The following USP34 variants were observed in gnomAD, a reference collection of about 807,000 sequenced individuals.
The protein encoded by USP34 is ubiquitin specific peptidase 34.
A neutral mutation model predicts 460.3 loss-of-function variants in USP34; 70 were observed. That is an observed-to-expected ratio of 0.15 (90% confidence interval 0.13 to 0.19). The LOEUF (loss-of-function observed/expected upper bound fraction) is 0.19. Ranked by LOEUF, USP34 falls within the 10% of genes least tolerant of loss-of-function variation. USP34 has a pLI of 1.00. For synonymous variants in USP34, 1,647 were observed against 1,405.3 expected, an observed-to-expected ratio of 1.17 and a Z score of -3.85; for missense variants, 3,985 against 4,236.2, an observed-to-expected ratio of 0.94 and a Z score of 1.65.
At chr2:61,322,858 G>C (rs1036421713) in intron 21 of USP34, among the ~76,000 whole-genome samples, 8 of 152,088 alleles carry the variant, frequency 5.3e-5, no homozygotes, top group African/African-American at 1.9e-4. Flanking sequence ...AGGAGAACAA[G>C]ATAAAGAGTA....
At position 61,294,933 on chromosome 2, in the gene USP34, A is replaced by C; in HGVS notation, c.4461+16T>G. The C allele has an allele frequency of 6.3e-7, 1 of 1,594,064 alleles. No individual in the cohort carries two copies. The highest frequency in any genetic ancestry group is 8.5e-7 in the Non-Finnish European group (1 of 1,169,732). On this transcript the variant is annotated intron_variant, in intron 32 of 79. Coordinates refer to ENST00000398571, the MANE Select transcript of USP34 (RefSeq NM_014709.4). The stretch of plus-strand genomic sequence containing the variant: ...ATTATTTTTATCAATACATTGAAAA[A>C]CACATATGATCAAACCTTGCAACTC...
chr2:61,349,844 AAACAAC>A (rs143680445), intron 12 of USP34, among the ~76,000 whole-genome samples: 11 of 148,832 alleles, frequency 7.4e-5, no homozygotes, highest in African/African-American at 2.5e-4. Context: ...CCGTCTCAAA[AAACAAC>A]AACAACAACA....
At chr2:61,194,317 C>G (rs1686730581) in intron 75 of USP34, 8 of 985,008 alleles carry the variant, frequency 8.1e-6, no homozygotes, top group Non-Finnish European at 9.6e-6. Flanking sequence ...CACGGTATCA[C>G]CACACACATA....
rs373337004 is a variant in USP34 at position 61,281,255 on chromosome 2, G to T, written c.4999-13C>A. 3.7e-6 allele frequency: 6 copies of T among 1,603,808 alleles called. No homozygotes were observed. Among genetic ancestry groups the T allele is most frequent in the African/African-American group, 2.7e-5 (2 of 74,294 alleles). Reference sequence around the variant, plus strand: ...GACGAACTGCAGTCTAGATGAAAAAGAAAGTTCCACAAACAGTGAGAGTTA... The same window carrying T: ...GACGAACTGCAGTCTAGATGAAAAATAAAGTTCCACAAACAGTGAGAGTTA... On this transcript the variant is annotated splice_polypyrimidine_tract_variant and intron_variant, in intron 37 of 79. Coordinates refer to ENST00000398571, the MANE Select transcript of USP34 (RefSeq NM_014709.4).
chr2:61,380,585 A>C (rs1185023001), intron 6 of USP34, among the ~76,000 whole-genome samples: 1 of 135,058 alleles, frequency 7.4e-6, no homozygotes, highest in Non-Finnish European at 1.7e-5. Context: ...TGGATTACAA[A>C]ATGGCCACAA....
At chr2:61,272,282 G>A (rs1689238203) in intron 41 of USP34, among the ~76,000 whole-genome samples, 1 of 151,896 alleles carries the variant, frequency 6.6e-6, no homozygotes. Context: ...GTGGTGGCGG[G>A]CACCTGTAGT....
At position 61,416,762 on chromosome 2, in the gene USP34, A is replaced by C. The variant is rs1694205997; in HGVS notation, c.131+3984T>G. On this transcript the variant is annotated intron_variant, in intron 2 of 79. Coordinates refer to ENST00000398571, the MANE Select transcript of USP34 (RefSeq NM_014709.4). Reference sequence around the variant, plus strand: ...TCTATTCCCAATCATTAAATTAATAAAATGATGATAATCTGGTAAACAAAC... The same window carrying C: ...TCTATTCCCAATCATTAAATTAATACAATGATGATAATCTGGTAAACAAAC... 1.5e-5 allele frequency: 6 copies of C among 388,072 alleles called. No individual in the cohort carries two copies. The Admixed American group carries it at 2.5e-4, about 16-fold the overall frequency. The allele number at this position is 388,072 out of a possible 1,614,324, so 24.0% of individuals were successfully genotyped here.
chr2:61,305,280 G>A (rs1389298227), intron 27 of USP34, among the ~76,000 whole-genome samples: 5 of 151,522 alleles, frequency 3.3e-5, no homozygotes, highest in African/African-American at 7.3e-5. Context: ...CCGAGATTAC[G>A]CCACTGCACT....
chr2:61,258,169 C>A (rs749501553), intron 44 of USP34, among the ~76,000 whole-genome samples: 17 of 152,010 alleles, frequency 1.1e-4, no homozygotes, highest in Non-Finnish European at 2.2e-4. Flanking sequence ...GCTTGGGGAA[C>A]ATAGTGAGAC....
In USP34 at chr2:61,256,924, A is replaced by G; in HGVS notation, c.6075T>C (p.Ala2025=). Reference sequence around the variant, plus strand: ...GGCACCTCACAGTATAAAACTCTTCAGCAGTTTGACTAACATGTTCACAAT... The same window carrying G: ...GGCACCTCACAGTATAAAACTCTTCGGCAGTTTGACTAACATGTTCACAAT... The part of the protein sequence containing the change: ...SLDCEHVSQT[A]EEFYTVRCQV... The change falls in exon 47 of 80, where the codon GCT becomes GCC. Residue 2025 remains alanine, a synonymous_variant. Coordinates refer to ENST00000398571, the MANE Select transcript of USP34 (RefSeq NM_014709.4). 1 of 1,565,450 alleles carries G rather than the reference A, an allele frequency of 6.4e-7. No homozygotes were observed. Among genetic ancestry groups the G allele is most frequent in the South Asian group, 1.3e-5 (1 of 79,542 alleles).
chr2:61,273,487 G>A (rs1337113321), intron 41 of USP34, among the ~76,000 whole-genome samples: 1 of 152,204 alleles, frequency 6.6e-6, no homozygotes, highest in Non-Finnish European at 1.5e-5. Context: ...GGGAGGCCGA[G>A]GCAGGCGAAT....
chr2:61,188,026 C>A lies in USP34; in HGVS notation c.*76G>T. 1 of 1,527,574 alleles carries A rather than the reference C, an allele frequency of 6.5e-7. No homozygotes were observed. Among genetic ancestry groups the A allele is most frequent in the Admixed American group, 2.2e-5 (1 of 45,836 alleles). The allele number at this position is 1,527,574 out of a possible 1,614,324, so 94.6% of individuals were successfully genotyped here. A position where few individuals can be genotyped will look rare whatever the true frequency, so the allele number is the denominator to read the frequency against. ...CACTGGACAAACTGAAGCACAAAAACAAATAAGCAAAACTTATACAAACAG... is the reference window on the plus strand; with the variant it reads ...CACTGGACAAACTGAAGCACAAAAAAAAATAAGCAAAACTTATACAAACAG... On this transcript the variant is annotated 3_prime_UTR_variant, in exon 80 of 80. Transcript: ENST00000398571.
chr2:61,362,587 A>G (rs1692307925), intron 10 of USP34, among the ~76,000 whole-genome samples: 1 of 152,220 alleles, frequency 6.6e-6, no homozygotes, highest in African/African-American at 2.4e-5. Context: ...GCATAGTCTC[A>G]CTTACATGAT....
chr2:61,229,476 CAAAAA>C (rs70959901), intron 59 of USP34, 67 bp downstream of exon 59: 10 of 401,848 alleles, frequency 2.5e-5, no homozygotes. Flanking sequence ...AAAAAAAAAA[CAAAAA>C]AAAAAAACAA....
intron 1 of USP34, among the ~76,000 whole-genome samples, chr2:61,424,395 T>C (rs1422342662): frequency 2.0e-5 from 3 of 152,208 alleles, no homozygotes; most frequent in South Asian, 2.1e-4. Context: ...AAAACATCGT[T>C]ACTCGGTGCA....
chr2:61,406,669 C>A (rs1032226635), intron 2 of USP34, among the ~76,000 whole-genome samples: 10 of 150,370 alleles, frequency 6.7e-5, no homozygotes, highest in Non-Finnish European at 1.0e-4. Flanking sequence ...TCTCTCCCCC[C>A]CAAGCTCCTG....
chr2:61,248,885 G>A (rs924416984), intron 48 of USP34, among the ~76,000 whole-genome samples: 2 of 152,008 alleles, frequency 1.3e-5, no homozygotes, highest in African/African-American at 4.8e-5. Flanking sequence ...TATACACTAC[G>A]GTTTCTCCTA....
chr2:61,452,971 C>T (rs1695329349), intron 1 of USP34, among the ~76,000 whole-genome samples: 2 of 151,064 alleles, frequency 1.3e-5, no homozygotes, highest in South Asian at 2.1e-4. Flanking sequence ...TTAAGACATC[C>T]TATCATGTTA....
intron 10 of USP34, among the ~76,000 whole-genome samples, chr2:61,365,294 T>TACACACACACACACACAC (rs1255160949): frequency 1.8e-5 from 2 of 109,756 alleles, no homozygotes; most frequent in African/African-American, 7.7e-5. Context: ...CACACACACG[T>TACACACACACACACACAC]GTGTTTATTT....
Sources: allele counts gnomAD v4.1 joint callset (sites outside exome capture counted in the v4.1 genomes callset), GRCh38; gene constraint gnomAD v4.1.1; transcripts MANE v1.5; gene names NCBI Gene and HGNC (gene_info 2026-07-23, HGNC 2026-07-21).